KIR3DL1: variants seen among roughly 807,000 people sequenced by gnomAD.
The protein encoded by KIR3DL1 is killer cell immunoglobulin-like receptor 3DL1.
KIR3DL1 carries 50 observed loss-of-function variants against 40.3 expected under a neutral mutation model. The observed-to-expected ratio is 1.24, with a 90% confidence interval of 0.99 to 1.57. KIR3DL1 has a LOEUF of 1.57. Ranked by LOEUF, KIR3DL1 falls within the 40% of genes most tolerant of loss-of-function variation. The pLI is 0.00. For synonymous variants in KIR3DL1, 257 were observed against 207.2 expected (o/e 1.24, Z -2.07); for missense variants, 661 against 559.9 (o/e 1.18, Z -1.82).
chr19:54,822,290 A>G (rs192365982), intron 5 of KIR3DL1, among the ~76,000 whole-genome samples: 119 of 149,490 alleles, frequency 8.0e-4, no homozygotes, highest in African/African-American at 2.8e-3. Flanking sequence ...TATATAATTT[A>G]CCACCTTTAC....
chr19:54,824,910 A>T, intron 5 of KIR3DL1, 118 bp from the exon 6 acceptor site: 1 of 990,296 alleles, frequency 1.0e-6, no homozygotes, highest in East Asian at 2.4e-5. Context: ...GGATCCCAAG[A>T]CTCCCAGGGT....
rs1338821987 is a variant in KIR3DL1, at chr19:54,817,718, C to T, written c.70+149C>T. ...CCCACATTTCTGACCTTGCCTTCCC[C>T]GGCCTTTCATTCCCTTTCCTGAGTC... is the stretch of plus-strand genomic sequence containing the variant. On this transcript the variant is annotated intron_variant, in intron 2 of 8. Coordinates refer to ENST00000391728, the Ensembl canonical transcript of KIR3DL1. The T allele has an allele frequency of 2.9e-5, 19 of 655,448 alleles. 1 individual carries two copies. Among genetic ancestry groups the T allele is most frequent in the African/African-American group, 6.5e-5 (3 of 46,326 alleles). 40.6% of individuals were successfully genotyped at this position (655,448 alleles called of 1,614,324 possible). A position where few individuals can be genotyped will look rare whatever the true frequency, so the allele number is the denominator to read the frequency against.
chr19:54,821,948 G>A, intron 5 of KIR3DL1, 90 bp downstream of exon 5: 1 of 1,436,146 alleles, frequency 7.0e-7, no homozygotes, highest in South Asian at 1.2e-5. Flanking sequence ...AGCATGGACA[G>A]ATGCAGAGAG....
intron 5 of KIR3DL1, among the ~76,000 whole-genome samples, chr19:54,824,253 T>G (rs982237731): frequency 6.6e-6 from 1 of 151,594 alleles, no homozygotes; most frequent in Non-Finnish European, 1.5e-5. Context: ...CATTTTCATT[T>G]GATTTTTGTG....
chr19:54,825,441 G>A (rs1303178008), intron 6 of KIR3DL1, among the ~76,000 whole-genome samples: 2 of 150,364 alleles, frequency 1.3e-5, no homozygotes, highest in Non-Finnish European at 2.9e-5. Flanking sequence ...AGGTGTTTTA[G>A]AGAAGTTCCA....
At chr19:54,827,485 C>T (rs2061964468) in intron 6 of KIR3DL1, among the ~76,000 whole-genome samples, 5 of 150,290 alleles carry the variant, frequency 3.3e-5, no homozygotes, top group Admixed American at 3.3e-4. Context: ...GGTGGTGCAT[C>T]CCTGTAATCC....
At chr19:54,821,976 AG>A in intron 5 of KIR3DL1, 118 bp downstream of exon 5, 1 of 1,283,580 alleles carries the variant, frequency 7.8e-7, no homozygotes, top group South Asian at 1.2e-5. Context: ...AGCAGGTGTG[AG>A]GGCGGAGTCA....
At chr19:54,823,999 C>G (rs1327587466) in intron 5 of KIR3DL1, among the ~76,000 whole-genome samples, 28 of 151,134 alleles carry the variant, frequency 1.9e-4, no homozygotes, top group Middle Eastern at 3.4e-3. Flanking sequence ...TTATTAATCC[C>G]GTCTCAGATG....
chr19:54,821,485 G>C, intron 4 of KIR3DL1, 80 bp from the exon 5 acceptor site: 1 of 1,468,372 alleles, frequency 6.8e-7, no homozygotes, highest in South Asian at 1.2e-5. Flanking sequence ...TAGAGCAGGG[G>C]AGTGAGTTCT....
chr19:54,819,735 C>T, exon 4 of KIR3DL1: 1 of 1,609,516 alleles, frequency 6.2e-7, no homozygotes, highest in Non-Finnish European at 8.5e-7. Flanking sequence ...AACCTTCCCT[C>T]CTGGCCCACC....
At chr19:54,830,047 C>G in intron 8 of KIR3DL1, 52 bp from the exon 9 acceptor site, 1 of 1,520,690 alleles carries the variant, frequency 6.6e-7, no homozygotes, top group Non-Finnish European at 8.9e-7. Flanking sequence ...AACGTGAGCA[C>G]CCTCCCTCAC....
intron 5 of KIR3DL1, among the ~76,000 whole-genome samples, 167 bp downstream of exon 5, chr19:54,822,025 C>A (rs1183146695): frequency 1.3e-5 from 2 of 151,176 alleles, no homozygotes; most frequent in African/African-American, 2.4e-5. Context: ...CCAAACCCTC[C>A]TTCATGGCCT....
chr19:54,819,963 C>G, exon 4 of KIR3DL1: 1 of 1,611,728 alleles, frequency 6.2e-7, no homozygotes, highest in South Asian at 1.1e-5. Context: ...TTACTCACAC[C>G]CCCTATCAGT....
intron 4 of KIR3DL1, among the ~76,000 whole-genome samples, chr19:54,820,215 G>C (rs1027542073): frequency 6.6e-6 from 1 of 151,364 alleles, no homozygotes; most frequent in African/African-American, 2.4e-5. Context: ...ACAGACACAG[G>C]GGCCATACAG....
chr19:54,818,274 C>T, intron 2 of KIR3DL1, 41 bp from the exon 3 acceptor site: 2 of 1,570,802 alleles, frequency 1.3e-6, no homozygotes, highest in Non-Finnish European at 1.7e-6. Flanking sequence ...AGGGGCGGCT[C>T]CACATCCTCC....
At chr19:54,821,880 C>T (rs1186753533) in intron 5 of KIR3DL1, 22 bp downstream of exon 5, 2 of 1,593,314 alleles carry the variant, frequency 1.3e-6, no homozygotes, top group Non-Finnish European at 1.7e-6. Flanking sequence ...CCATATCTCT[C>T]TCATGTCCTA....
At chr19:54,823,781 C>T (rs1436838313) in intron 5 of KIR3DL1, among the ~76,000 whole-genome samples, 1 of 151,528 alleles carries the variant, frequency 6.6e-6, no homozygotes, top group Non-Finnish European at 1.5e-5. Context: ...CGTGAGCCAC[C>T]GGCCTAAAAG....
At chr19:54,826,099 G>C (rs661534) in intron 6 of KIR3DL1, among the ~76,000 whole-genome samples, 66,664 of 144,724 alleles carry the variant, frequency 0.46, 16,139 homozygotes, top group Non-Finnish European at 0.53. Flanking sequence ...TGTAAAATAA[G>C]ATATTCACAA....
exon 4 of KIR3DL1, chr19:54,819,861 T>G: frequency 1.2e-6 from 2 of 1,612,196 alleles, no homozygotes; most frequent in Non-Finnish European, 1.7e-6. Flanking sequence ...CACGCCTCGT[T>G]GGACAGATCC....
Sources: allele counts gnomAD v4.1 joint callset (sites outside exome capture counted in the v4.1 genomes callset), GRCh38; gene constraint gnomAD v4.1.1; transcripts MANE v1.5; gene names NCBI Gene and HGNC (gene_info 2026-07-23, HGNC 2026-07-21).